ZC3H3: variants seen among roughly 807,000 people sequenced by gnomAD.
ZC3H3 encodes the protein zinc finger CCCH-type containing 3, also known as zinc finger CCCH domain-containing protein 3.
In ZC3H3, 36 loss-of-function variants were observed where a neutral mutation model predicts 77.3. That is an observed-to-expected ratio of 0.47 (90% CI 0.36 to 0.61). The LOEUF is 0.61. Ranked by LOEUF, ZC3H3 falls within the 20% of genes least tolerant of loss-of-function variation. ZC3H3 has a pLI of 0.00. For missense variants in ZC3H3, 1,331 were observed against 1,312.2 expected, an observed-to-expected ratio of 1.01 and a Z score of -0.22; for synonymous variants, 626 against 555.2, an observed-to-expected ratio of 1.13 and a Z score of -1.79.
rs1244995181 is a variant in ZC3H3, at chr8:143,533,685, CT to C, written c.1561+2571del. Among the ~76,000 whole-genome samples, 14,507 of 128,658 alleles carry C rather than the reference CT, an allele frequency of 0.11. 732 individuals carry two copies. The highest frequency in any genetic ancestry group is 0.18 in the Admixed American group (2,204 of 12,446). 84.4% of individuals were successfully genotyped at this position (128,658 alleles called of 152,430 possible). The stretch of plus-strand genomic sequence containing the variant: ...CACTCCATGCAGCCGCCACGCTGGT[CT>C]TTTTTTTTTTTTTTTTTTGAGACAA... On this transcript the variant is annotated intron_variant, in intron 3 of 11. Transcript: ENST00000262577. This position sits in a 1 kb window ranked among gnomAD's most constrained non-coding sequence, Gnocchi z 4.0.
In ZC3H3 at chr8:143,538,375, C is replaced by A; in HGVS notation, c.992G>T (p.Arg331Ile). 1 of 1,613,142 alleles carries A rather than the reference C, an allele frequency of 6.2e-7. No homozygotes were observed. Residue 331 changes from arginine to isoleucine, a missense_variant, in exon 2 of 12, where the codon AGA becomes ATA. Transcript: ENST00000262577. ...CTTGCACACATTCTCTGCAGCCACT[C>A]TGGGACTGAGGGCCCTCCGAGCAAC... ...PRVARRALSP[R>I]VAAENVCKAS... is the part of the protein sequence containing the mutation.
chr8:143,447,591 A>T (rs1041584373), intron 9 of ZC3H3, among the ~76,000 whole-genome samples: 2 of 152,198 alleles, frequency 1.3e-5, no homozygotes, highest in East Asian at 1.9e-4. Context: ...TGGGCAATGT[A>T]TAAAGAAAAG....
intron 9 of ZC3H3, among the ~76,000 whole-genome samples, chr8:143,449,833 G>C (rs1410631154): frequency 6.6e-6 from 1 of 151,590 alleles, no homozygotes; most frequent in Non-Finnish European, 1.5e-5. Context: ...CCCATGGCAG[G>C]AACATAGTGC....
intron 4 of ZC3H3, among the ~76,000 whole-genome samples, chr8:143,484,082 A>C (rs1188007472): frequency 1.3e-5 from 2 of 152,228 alleles, no homozygotes; most frequent in Middle Eastern, 3.2e-3. Context: ...CCTTAGGGAC[A>C]GCAGCCTTGT....
intron 4 of ZC3H3, among the ~76,000 whole-genome samples, chr8:143,488,947 G>A (rs764117515): frequency 9.2e-5 from 14 of 152,326 alleles, no homozygotes; most frequent in South Asian, 2.1e-4. Context: ...CCTCAGATCC[G>A]CTGTCCATGT....
In ZC3H3 at chr8:143,539,009, C is replaced by A; in HGVS notation, c.358G>T (p.Gly120Cys). Residue 120 changes from glycine to cysteine, a missense_variant, in exon 2 of 12, where the codon GGT (glycine) becomes TGT (cysteine). Physicochemically the swap from Gly to Cys is radical, Grantham distance 159. This residue lies in a region of ZC3H3 where 978 missense variants were observed against 915.5 expected (regional missense o/e 1.07). Transcript: ENST00000262577. Reference protein sequence around the residue: ...VLERQVQLSQGQNVVIKVKPP... With the variant: ...VLERQVQLSQCQNVVIKVKPP... ...TTAACTTTGATGACCACGTTCTGACCCTGACTGAGCTGGACCTGTCTCTCA... is the reference window on the plus strand; with the variant it reads ...TTAACTTTGATGACCACGTTCTGACACTGACTGAGCTGGACCTGTCTCTCA... The A allele has an allele frequency of 6.2e-7, 1 of 1,613,072 alleles. No homozygotes were observed. The highest frequency in any genetic ancestry group is 8.5e-7 in the Non-Finnish European group (1 of 1,180,038).
intron 3 of ZC3H3, among the ~76,000 whole-genome samples, chr8:143,511,489 T>C (rs1821868828): frequency 6.6e-6 from 1 of 152,236 alleles, no homozygotes; most frequent in South Asian, 2.1e-4. Context: ...TACTACTCTG[T>C]GCAAAGAACT....
intron 4 of ZC3H3, among the ~76,000 whole-genome samples, chr8:143,498,056 C>T (rs1821402911): frequency 1.3e-5 from 2 of 152,190 alleles, no homozygotes; most frequent in African/African-American, 2.4e-5. Flanking sequence ...ACCGGGTGAG[C>T]GAATGCAAGT....
chr8:143,523,510 G>A, intron 3 of ZC3H3: 1 of 985,440 alleles, frequency 1.0e-6, no homozygotes, highest in African/African-American at 1.7e-5. Context: ...ACAGACGGAA[G>A]CCACCTCAGG....
chr8:143,536,388 C>T lies in ZC3H3; in HGVS notation c.1430G>A (p.Arg477Gln), dbSNP rs774828505. Residue 477 changes from arginine (R) to glutamine (Q), a missense_variant, in exon 3 of 12, where the codon CGG (arginine) becomes CAG (glutamine). Arg to Gln is a conservative substitution (Grantham distance 43). Coordinates refer to ENST00000262577, the MANE Select transcript of ZC3H3 (RefSeq NM_015117.3). ...CTTCCCCCTGAGGGCCTGTCTCCGC[C>T]GGAGGCTGAGGTGGCTCTTGGCGGT... ...AATAKSHLSL[R>Q]RRQALRGKSS... 4 of 1,581,770 alleles carry T rather than the reference C, an allele frequency of 2.5e-6. No homozygotes were observed. Among genetic ancestry groups the T allele is most frequent in the Non-Finnish European group, 3.4e-6 (4 of 1,162,866 alleles).
At chr8:143,447,644 G>A (rs74471282) in intron 9 of ZC3H3, among the ~76,000 whole-genome samples, 2,174 of 152,308 alleles carry the variant, frequency 0.014, 59 homozygotes, top group South Asian at 0.1. Context: ...GAGGAAGCAT[G>A]GCAGCATCTG....
intron 3 of ZC3H3, among the ~76,000 whole-genome samples, chr8:143,525,437 A>C (rs1024406485): frequency 1.9e-4 from 29 of 152,238 alleles, no homozygotes; most frequent in Admixed American, 2.6e-4. Context: ...AGCCCTTTCC[A>C]GAACAGCTGA....
intron 3 of ZC3H3, among the ~76,000 whole-genome samples, chr8:143,528,018 A>G (rs1822474897): frequency 6.6e-6 from 1 of 152,162 alleles, no homozygotes; most frequent in Non-Finnish European, 1.5e-5. Context: ...AGCACCGGAC[A>G]TGGGGCTGCT....
Position 143,507,846 on chromosome 8 carries a change from G to C in ZC3H3, c.1615C>G (p.Arg539Gly). Residue 539 changes from arginine to glycine, a missense_variant, in exon 4 of 12, where the codon CGC becomes GGC. Arg to Gly is a moderately radical substitution (Grantham distance 125). Around this residue, in one of 3 missense-constraint regions of ZC3H3, gnomAD observed 978 missense variants for 915.5 expected, o/e 1.07. Transcript: ENST00000262577. ...GGCGTCTTCTTGACAATGCGGTAGCGGGTCTTGATCACCTTGCTGGTGGGT... is the reference window on the plus strand; with the variant it reads ...GGCGTCTTCTTGACAATGCGGTAGCCGGTCTTGATCACCTTGCTGGTGGGT... ...TAPTSKVIKT[R>G]YRIVKKTPAS... 2 of 1,610,478 alleles carry C rather than the reference G, an allele frequency of 1.2e-6. No individual in the cohort carries two copies. Among genetic ancestry groups the C allele is most frequent in the Non-Finnish European group, 1.7e-6 (2 of 1,178,586 alleles).
intron 5 of ZC3H3, among the ~76,000 whole-genome samples, chr8:143,472,467 G>A (rs1435699138): frequency 2.6e-5 from 4 of 152,214 alleles, no homozygotes; most frequent in Admixed American, 2.0e-4. Flanking sequence ...CAGCCTCCCA[G>A]GGAGGAGTGT....
chr8:143,478,083 A>G (rs1245338314), intron 4 of ZC3H3, among the ~76,000 whole-genome samples: 1 of 152,162 alleles, frequency 6.6e-6, no homozygotes. Context: ...CCTGGCCGCC[A>G]CAAAGCAGGA....
chr8:143,507,641 T>G, intron 4 of ZC3H3, 105 bp downstream of exon 4: 1 of 1,314,790 alleles, frequency 7.6e-7, no homozygotes. Flanking sequence ...AGTTCTGGGA[T>G]GTGCTCAGCT....
chr8:143,491,159 A>G (rs1821190673), intron 4 of ZC3H3, among the ~76,000 whole-genome samples: 1 of 152,168 alleles, frequency 6.6e-6, no homozygotes, highest in Non-Finnish European at 1.5e-5. Context: ...AGGAGGGCCC[A>G]GGCACAGGGG....
chr8:143,450,068 T>C (rs547738809), intron 9 of ZC3H3, among the ~76,000 whole-genome samples: 3 of 152,234 alleles, frequency 2.0e-5, no homozygotes, highest in Non-Finnish European at 4.4e-5. Context: ...GGTTACCCAG[T>C]TCCAAAGCTG....
Sources: gnomAD v4.1 joint callset for allele counts (sites outside exome capture counted in the v4.1 genomes callset) on GRCh38, gnomAD v4.1.1 for gene constraint, gnomAD v4.1.1 regional missense constraint, Gnocchi (gnomAD v3.1) non-coding constraint, MANE v1.5 for transcripts, NCBI Gene and HGNC (gene_info 2026-07-23, HGNC 2026-07-21) for gene names.